Variants in MAST4 observed in about 807,000 individuals in gnomAD.
The protein encoded by MAST4 is microtubule associated serine/threonine kinase family member 4.
In MAST4, 89 loss-of-function variants were observed where a neutral mutation model predicts 162.7. The ratio of observed to expected loss-of-function variants is 0.55; its 90% confidence interval spans 0.46 to 0.65. The LOEUF (loss-of-function observed/expected upper bound fraction) is 0.65. Among genes scored for constraint, MAST4 ranks in the 30% least tolerant of loss-of-function variants. MAST4 has a pLI of 0.00. For synonymous variants in MAST4, 1,479 were observed against 1,361.1 expected, an observed-to-expected ratio of 1.09 and a Z score of -1.91; for missense variants, 3,153 against 3,374.0, an observed-to-expected ratio of 0.93 and a Z score of 1.62.
At chr5:67,041,691 C>T (rs1380821644) in intron 4 of MAST4, among the ~76,000 whole-genome samples, 6 of 152,182 alleles carry the variant, frequency 3.9e-5, no homozygotes, top group South Asian at 2.1e-4. Flanking sequence ...TGCAGTGGTG[C>T]GATCTCAGCT....
At chr5:67,147,973 T>C (rs1181425205) in intron 23 of MAST4, among the ~76,000 whole-genome samples, 1 of 152,216 alleles carries the variant, frequency 6.6e-6, no homozygotes, top group African/African-American at 2.4e-5. Flanking sequence ...AGTTCCCAGC[T>C]ACCCTTAGCC....
intron 3 of MAST4, among the ~76,000 whole-genome samples, chr5:66,834,114 C>A (rs1580577507): frequency 6.6e-6 from 1 of 152,158 alleles, no homozygotes; most frequent in South Asian, 2.1e-4. Context: ...GGGTATCAGG[C>A]AGGGTCCAGG....
intron 3 of MAST4, among the ~76,000 whole-genome samples, chr5:66,847,844 G>A (rs28445205): frequency 0.091 from 8,610 of 94,840 alleles, 128 homozygotes; most frequent in South Asian, 0.2. Flanking sequence ...AAAAAAAAAA[G>A]AAAAACCTTA....
intron 1 of MAST4, among the ~76,000 whole-genome samples, chr5:66,677,856 G>T (rs1399462301): frequency 5.9e-5 from 9 of 152,122 alleles, no homozygotes; most frequent in African/African-American, 2.2e-4. Context: ...TTAGGGCAGG[G>T]TTCTTGTGAT....
At position 66,825,398 on chromosome 5, in the gene MAST4, C is replaced by A. The variant is rs186324282; in HGVS notation, c.642+36604C>A. 1.5e-4 allele frequency among the ~76,000 whole-genome samples: 23 copies of A among 151,982 alleles called. No individual in the cohort carries two copies. The East Asian group carries it at 3.9e-3, about 26-fold the overall frequency. On this transcript the variant is annotated intron_variant, in intron 3 of 28. Transcript: ENST00000403625. ...CAGCGCTATTACGATCTTATGGGACCACCATCATATATGTGTCCCATCATT... is the reference window on the plus strand; with the variant it reads ...CAGCGCTATTACGATCTTATGGGACAACCATCATATATGTGTCCCATCATT...
chr5:66,730,635 A>G (rs1751786812), intron 1 of MAST4, among the ~76,000 whole-genome samples: 1 of 152,234 alleles, frequency 6.6e-6, no homozygotes, highest in African/African-American at 2.4e-5. Context: ...CCTCAAATTA[A>G]TCTGTTAAGA....
intron 1 of MAST4, among the ~76,000 whole-genome samples, chr5:66,601,856 G>A (rs1742574219): frequency 6.6e-6 from 1 of 152,148 alleles, no homozygotes; most frequent in Admixed American, 6.5e-5. Context: ...GAAGTATGAA[G>A]CCCACCTGCT....
intron 14 of MAST4, among the ~76,000 whole-genome samples, chr5:67,129,081 G>A (rs1284837084): frequency 1.7e-4 from 26 of 152,156 alleles, no homozygotes; most frequent in Non-Finnish European, 5.9e-5. Context: ...TAAAGTATTT[G>A]GGTGAGGCTT....
rs1396244683 is a variant in MAST4, at chr5:67,167,107, C to G, written c.*56C>G. ...ACCCGTCCTGAACGGGCGACTGTGT[C>G]TTGACTACCTTTCAAAACCAGCACT... On this transcript the variant is annotated 3_prime_UTR_variant, in exon 29 of 29. Coordinates refer to ENST00000403625, the MANE Select transcript of MAST4 (RefSeq NM_001164664.2). The G allele has an allele frequency of 6.3e-6, 9 of 1,430,704 alleles. No homozygotes were observed. Among genetic ancestry groups the G allele is most frequent in the Non-Finnish European group, 8.4e-6 (9 of 1,071,902 alleles). The allele number at this position is 1,430,704 out of a possible 1,614,324, so 88.6% of individuals were successfully genotyped here. A position where few individuals can be genotyped will look rare whatever the true frequency, so the allele number is the denominator to read the frequency against.
At chr5:67,153,239 C>A (rs2151083048) in intron 25 of MAST4, among the ~76,000 whole-genome samples, 1 of 152,082 alleles carries the variant, frequency 6.6e-6, no homozygotes, top group East Asian at 1.9e-4. Context: ...CTTTGTGGCT[C>A]TGGTACTTTC....
chr5:66,672,329 T>C (rs778782841), intron 1 of MAST4, among the ~76,000 whole-genome samples: 14 of 152,234 alleles, frequency 9.2e-5, no homozygotes, highest in Admixed American at 5.9e-4. Context: ...ATGTCCTTCC[T>C]TTTTCCCTCC....
Position 66,747,276 on chromosome 5 carries a change from C to T in MAST4, c.364-12433C>T, listed in dbSNP as rs1374829812. ...TTAAGAAATGAAACTAGTGCTACAG[C>T]TCTGTTTATGTGAATGCCACTGTAG... On this transcript the variant is annotated intron_variant, in intron 1 of 28. Transcript: ENST00000403625. Among the ~76,000 whole-genome samples the T allele has an allele frequency of 3.3e-5, 5 of 152,094 alleles. No homozygotes were observed. In the South Asian group the frequency reaches 6.2e-4, roughly 19 times the overall value.
At chr5:66,990,236 T>C (rs556241739) in intron 4 of MAST4, among the ~76,000 whole-genome samples, 2 of 152,192 alleles carry the variant, frequency 1.3e-5, no homozygotes, top group African/African-American at 2.4e-5. Flanking sequence ...AACAGTCCTA[T>C]GAGGTAAGTA....
At chr5:66,827,998 C>T (rs1045143998) in intron 3 of MAST4, among the ~76,000 whole-genome samples, 1 of 152,116 alleles carries the variant, frequency 6.6e-6, no homozygotes, top group East Asian at 1.9e-4. Context: ...TGAAATTGCA[C>T]GATGGGAATT....
rs144212562 is a variant in MAST4 at position 66,981,420 on chromosome 5, T to C, written c.675-72984T>C. Among the ~76,000 whole-genome samples, 53 of 152,334 alleles carry C rather than the reference T, an allele frequency of 3.5e-4. 1 individual carries two copies. In the East Asian group the frequency reaches 8.7e-3, roughly 25 times the overall value. ...CTCAGAACTTTGTGTTGAGAAAGATTCTGAGGCTCCGTCTGGGACTTAGTG... is the reference window on the plus strand; with the variant it reads ...CTCAGAACTTTGTGTTGAGAAAGATCCTGAGGCTCCGTCTGGGACTTAGTG... On this transcript the variant is annotated intron_variant, in intron 4 of 28. Transcript: ENST00000403625.
At chr5:67,037,823 A>G (rs938785669) in intron 4 of MAST4, among the ~76,000 whole-genome samples, 2 of 152,104 alleles carry the variant, frequency 1.3e-5, no homozygotes, top group African/African-American at 2.4e-5. Flanking sequence ...TATAATTAAT[A>G]TATCATTAAT....
At chr5:67,047,205 CT>C (rs1462579483) in intron 4 of MAST4, among the ~76,000 whole-genome samples, 1 of 152,214 alleles carries the variant, frequency 6.6e-6, no homozygotes, top group Non-Finnish European at 1.5e-5. Flanking sequence ...CAGAATGATT[CT>C]CTAAAAACAA....
At chr5:66,758,093 A>C (rs1350963103) in intron 1 of MAST4, among the ~76,000 whole-genome samples, 1 of 150,484 alleles carries the variant, frequency 6.6e-6, no homozygotes, top group Admixed American at 6.6e-5. Context: ...TGCACTCTGG[A>C]GTCCCTTTTT....
intron 5 of MAST4, among the ~76,000 whole-genome samples, chr5:67,076,956 A>T (rs1042469037): frequency 6.6e-6 from 1 of 152,156 alleles, no homozygotes; most frequent in Non-Finnish European, 1.5e-5. Context: ...GTGGTCTAAC[A>T]CATTTTCAAG....
Sources: allele counts gnomAD v4.1 joint callset (sites outside exome capture counted in the v4.1 genomes callset), GRCh38; gene constraint gnomAD v4.1.1; transcripts MANE v1.5; gene names NCBI Gene and HGNC (gene_info 2026-07-23, HGNC 2026-07-21).